Variants in SPATA16 observed in about 807,000 individuals in gnomAD.
SPATA16 encodes spermatogenesis associated 16.
In SPATA16, 36 loss-of-function variants were observed where a neutral mutation model predicts 63.3. That is an observed-to-expected ratio of 0.57 (90% CI 0.44 to 0.75). SPATA16 has a LOEUF of 0.75. SPATA16 is among the 30% of genes least tolerant of loss of function. The probability of loss-of-function intolerance (pLI) is 0.00; values close to 1 mark genes in which losing one functional copy is unlikely to be tolerated. For missense variants in SPATA16, 646 were observed against 679.3 expected, an observed-to-expected ratio of 0.95 and a Z score of 0.54; for synonymous variants, 203 against 216.7, an observed-to-expected ratio of 0.94 and a Z score of 0.56.
intron 2 of SPATA16, among the ~76,000 whole-genome samples, chr3:173,083,903 G>A (rs1455260660): frequency 6.6e-6 from 1 of 152,098 alleles, no homozygotes; most frequent in East Asian, 1.9e-4. Flanking sequence ...TGGGCATTTG[G>A]ATTGATTCCA....
chr3:173,107,835 AT>A (rs1737656784), intron 2 of SPATA16, among the ~76,000 whole-genome samples: 1 of 152,108 alleles, frequency 6.6e-6, no homozygotes, highest in African/African-American at 2.4e-5. Flanking sequence ...ACTTACACAC[AT>A]TTGGAAAGTT....
intron 3 of SPATA16, among the ~76,000 whole-genome samples, chr3:173,040,902 A>G (rs1735824790): frequency 6.6e-6 from 1 of 152,088 alleles, no homozygotes; most frequent in South Asian, 2.1e-4. Context: ...CTATTTCTTA[A>G]TGTAGTCAAC....
intron 2 of SPATA16, among the ~76,000 whole-genome samples, chr3:173,065,310 A>G (rs1346960758): frequency 6.6e-6 from 1 of 151,850 alleles, no homozygotes; most frequent in Non-Finnish European, 1.5e-5. Flanking sequence ...TGTGGAATTC[A>G]TTGTGAGAAA....
chr3:173,136,194 T>C (rs1390337978), intron 1 of SPATA16, among the ~76,000 whole-genome samples: 1 of 152,164 alleles, frequency 6.6e-6, no homozygotes, highest in African/African-American at 2.4e-5. Context: ...ATTATCAGAC[T>C]GTGTGTGTGG....
intron 3 of SPATA16, among the ~76,000 whole-genome samples, chr3:173,021,722 T>TTTTA (rs76258278): frequency 0.35 from 48,742 of 139,340 alleles, 9,188 homozygotes; most frequent in South Asian, 0.43. Flanking sequence ...CCCTATTACT[T>TTTTA]TTTATTTATT....
chr3:173,134,934 G>A (rs1208185470), intron 1 of SPATA16, among the ~76,000 whole-genome samples: 1 of 152,104 alleles, frequency 6.6e-6, no homozygotes, highest in Non-Finnish European at 1.5e-5. Context: ...GATAGGCAAG[G>A]ATTTCTTGAA....
intron 10 of SPATA16, among the ~76,000 whole-genome samples, chr3:172,905,556 T>G (rs1467801516): frequency 6.6e-6 from 1 of 152,216 alleles, no homozygotes; most frequent in Non-Finnish European, 1.5e-5. Flanking sequence ...CCTGTTTGCT[T>G]TGCCTACCTC....
chr3:173,086,149 T>C (rs369064956), intron 2 of SPATA16, among the ~76,000 whole-genome samples: 1 of 152,280 alleles, frequency 6.6e-6, no homozygotes, highest in South Asian at 2.1e-4. Flanking sequence ...AATTCAGCTG[T>C]AAATCTGCCT....
At chr3:173,123,116 G>A (rs566793783) in intron 1 of SPATA16, among the ~76,000 whole-genome samples, 2 of 152,268 alleles carry the variant, frequency 1.3e-5, no homozygotes, top group Admixed American at 6.5e-5. Context: ...AGAAGGTAGA[G>A]GGAAATTTGC....
rs146561190 is a variant in SPATA16, at chr3:173,122,400, A to C, written c.-18-4651T>G. Among the ~76,000 whole-genome samples, 1,389 of 152,254 alleles carry C rather than the reference A, an allele frequency of 9.1e-3. 8 individuals are homozygous for C. The highest frequency in any genetic ancestry group is 0.016 in the Non-Finnish European group (1,060 of 68,008). On this transcript the variant is annotated intron_variant, in intron 1 of 10. Coordinates refer to ENST00000351008, the MANE Select transcript of SPATA16 (RefSeq NM_031955.6). ...TATTAGTACCACAGCTTATTTATTA[A>C]ATTTTTGGTTGAAATAGGCAGCTCA...
intron 5 of SPATA16, among the ~76,000 whole-genome samples, chr3:172,960,608 A>C (rs902448148): frequency 6.6e-6 from 1 of 152,212 alleles, no homozygotes; most frequent in African/African-American, 2.4e-5. Flanking sequence ...TTAGAAATCA[A>C]CTTGCCCAGG....
At chr3:173,073,829 C>T (rs1486648826) in intron 2 of SPATA16, among the ~76,000 whole-genome samples, 1 of 152,214 alleles carries the variant, frequency 6.6e-6, no homozygotes, top group Admixed American at 6.5e-5. Context: ...ACAGCTTGCA[C>T]CGTGCTCCTG....
chr3:173,112,458 C>A (rs991795017), intron 2 of SPATA16, among the ~76,000 whole-genome samples: 1 of 152,178 alleles, frequency 6.6e-6, no homozygotes, highest in Non-Finnish European at 1.5e-5. Flanking sequence ...CACTGGTGAG[C>A]CCTGAAACCA....
chr3:173,101,619 A>G (rs888410680), intron 2 of SPATA16, among the ~76,000 whole-genome samples: 5 of 152,206 alleles, frequency 3.3e-5, no homozygotes, highest in Admixed American at 1.3e-4. Flanking sequence ...TTGTCCTGAC[A>G]TCATCTGAGT....
intron 8 of SPATA16, among the ~76,000 whole-genome samples, chr3:172,918,352 G>T (rs1425345625): frequency 2.0e-5 from 3 of 152,140 alleles, no homozygotes; most frequent in African/African-American, 7.2e-5. Flanking sequence ...TTTCCAAAAC[G>T]TCAGGAAAAT....
intron 4 of SPATA16, among the ~76,000 whole-genome samples, chr3:172,978,959 C>T (rs945994494): frequency 4.6e-5 from 7 of 152,182 alleles, no homozygotes; most frequent in African/African-American, 1.2e-4. Flanking sequence ...TGATGCTGGC[C>T]GGGCGCGTTG....
chr3:173,137,614 A>T (rs917916284), intron 1 of SPATA16, among the ~76,000 whole-genome samples: 3 of 152,146 alleles, frequency 2.0e-5, no homozygotes, highest in African/African-American at 7.2e-5. Flanking sequence ...TTTTCTTTCA[A>T]TCTGGTAATG....
At chr3:172,984,238 C>T (rs1439402607) in intron 4 of SPATA16, among the ~76,000 whole-genome samples, 4 of 152,192 alleles carry the variant, frequency 2.6e-5, no homozygotes, top group African/African-American at 9.6e-5. Flanking sequence ...TCTTCATCAT[C>T]TCTGGAAGTT....
At chr3:172,996,162 A>G (rs540291791) in intron 4 of SPATA16, among the ~76,000 whole-genome samples, 1 of 152,168 alleles carries the variant, frequency 6.6e-6, no homozygotes, top group East Asian at 1.9e-4. Context: ...TTTAGGCGAG[A>G]CCACCATAAA....
Sources: allele counts gnomAD v4.1 joint callset (sites outside exome capture counted in the v4.1 genomes callset), GRCh38; gene constraint gnomAD v4.1.1; transcripts MANE v1.5; gene names NCBI Gene and HGNC (gene_info 2026-07-23, HGNC 2026-07-21).